EPB41: variants seen among roughly 807,000 people sequenced by gnomAD.
EPB41 encodes the protein erythrocyte membrane protein band 4.1, also known as protein 4.1.
A neutral mutation model predicts 108.0 loss-of-function variants in EPB41; 65 were observed. The ratio of observed to expected loss-of-function variants is 0.60; its 90% CI spans 0.49 to 0.74. EPB41 has a LOEUF of 0.74. Ranked by LOEUF, EPB41 falls within the 30% of genes least tolerant of loss-of-function variation. The pLI, the probability that EPB41 is intolerant of heterozygous loss-of-function variation, is 0.00. For synonymous variants in EPB41, 336 were observed against 358.9 expected (o/e 0.94, Z 0.72); for missense variants, 875 against 1,037.0 (o/e 0.84, Z 2.15).
At chr1:29,046,131 TA>T (rs1379276974) in intron 11 of EPB41, among the ~76,000 whole-genome samples, 4 of 152,084 alleles carry the variant, frequency 2.6e-5, no homozygotes, top group Middle Eastern at 3.4e-3. Context: ...AATTTAATTT[TA>T]TTTTTTTTTT....
At chr1:29,049,799 C>A (rs546133655) in intron 11 of EPB41, among the ~76,000 whole-genome samples, 1 of 152,216 alleles carries the variant, frequency 6.6e-6, no homozygotes, top group South Asian at 2.1e-4. Flanking sequence ...TTTATGTAGA[C>A]CCTCAGATAT....
At chr1:28,911,366 T>C (rs1191360602), upstream of EPB41, among the ~76,000 whole-genome samples, 1 of 152,240 alleles carries the variant, frequency 6.6e-6, no homozygotes, top group East Asian at 1.9e-4. Context: ...TATGGTGTGT[T>C]ATTGCATGGC....
Position 28,915,731 on chromosome 1 carries a change from C to CTT in EPB41, c.-8+982_-8+983dup, listed in dbSNP as rs11321625. Reference sequence around the variant, plus strand: ...CTTTTTCCTTTTTTTTTTTCAGATGCTTTTTTTTTTTTTTTTTTTTGTAGT... The same window carrying CTT: ...CTTTTTCCTTTTTTTTTTTCAGATGCTTTTTTTTTTTTTTTTTTTTTTGTAGT... On this transcript the variant is annotated intron_variant, in intron 1 of 20. Coordinates refer to ENST00000343067, the MANE Select transcript of EPB41 (RefSeq NM_001376013.1). Among the ~76,000 whole-genome samples the CTT allele has an allele frequency of 7.5e-3, 419 of 56,066 alleles. 8 individuals carry two copies. Among genetic ancestry groups the CTT allele is most frequent in the South Asian group, 0.012 (17 of 1,412 alleles). The allele number at this position is 56,066 out of a possible 152,430, so 36.8% of individuals were successfully genotyped here. A position where few individuals can be genotyped will look rare whatever the true frequency, so the allele number is the denominator to read the frequency against.
At chr1:28,954,395 C>T (rs969807071) in intron 1 of EPB41, among the ~76,000 whole-genome samples, 1 of 152,050 alleles carries the variant, frequency 6.6e-6, no homozygotes, top group Non-Finnish European at 1.5e-5. Flanking sequence ...TAATTTTTCC[C>T]AAAGGAAAAT....
chr1:29,070,645 C>T (rs1394143646), intron 16 of EPB41: 4 of 1,231,806 alleles, frequency 3.2e-6, no homozygotes, highest in Non-Finnish European at 4.0e-6. Context: ...TCTGAAATGT[C>T]AAGACCATTG....
chr1:29,022,372 TAAAAAAAA>T (rs370103452), intron 7 of EPB41, among the ~76,000 whole-genome samples: 2 of 111,544 alleles, frequency 1.8e-5, no homozygotes, highest in African/African-American at 6.4e-5. Flanking sequence ...ATTGATATAA[TAAAAAAAA>T]AAAAAAAAAA....
intron 1 of EPB41, among the ~76,000 whole-genome samples, chr1:28,929,600 T>G (rs967343427): frequency 1.7e-4 from 25 of 147,274 alleles, no homozygotes; most frequent in Non-Finnish European, 3.0e-4. Flanking sequence ...GGCGCGATCT[T>G]GGCTCACCGC....
chr1:28,943,292 A>G (rs1026591094), intron 1 of EPB41, among the ~76,000 whole-genome samples: 32 of 152,232 alleles, frequency 2.1e-4, no homozygotes, highest in Non-Finnish European at 2.9e-5. Flanking sequence ...AAAAGAAGAT[A>G]TACAGATGAC....
Position 29,065,079 on chromosome 1 carries a change from G to C in EPB41, c.2105G>C (p.Ser702Thr), listed in dbSNP as rs1167624164. The C allele has an allele frequency of 6.2e-7, 1 of 1,614,076 alleles. No homozygotes were observed. Reference sequence around the variant, plus strand: ...GAGTCTGTACCAGAACCACGGCCTAGTGAATGGGATAAACGCTTATCCACT... The same window carrying C: ...GAGTCTGTACCAGAACCACGGCCTACTGAATGGGATAAACGCTTATCCACT... The part of the protein sequence containing the change: ...FMESVPEPRP[S>T]EWDKRLSTHS... The change falls in exon 16 of 21, where the codon AGT (serine) becomes ACT (threonine). Residue 702 changes from serine (S) to threonine (T), a missense_variant. Ser to Thr is a moderately conservative substitution (Grantham distance 58). Transcript: ENST00000343067.
intron 1 of EPB41, among the ~76,000 whole-genome samples, chr1:28,919,224 G>A (rs2092899811): frequency 1.3e-5 from 2 of 152,110 alleles, no homozygotes; most frequent in South Asian, 2.1e-4. Context: ...TATTTAAATT[G>A]AATTGTATCC....
In EPB41 at chr1:29,018,320, G is replaced by A. The variant is rs778911723; in HGVS notation, c.1002G>A (p.Gln334=). The A allele has an allele frequency of 6.2e-7, 1 of 1,614,026 alleles. No individual in the cohort carries two copies. The highest frequency in any genetic ancestry group is 1.3e-5 in the African/African-American group (1 of 74,884). ...TLALLGSYTI[Q]SELGDYDPEL... ...CATTATTAGGTTCTTACACCATCCA[G>A]TCTGAACTGGGAGACTACGACCCAG... The change falls in exon 7 of 21, where the codon CAG becomes CAA. Residue 334 remains glutamine, a synonymous_variant. Transcript: ENST00000343067. The surrounding 1 kb of genome is among the most constrained non-coding windows in gnomAD (Gnocchi z 4.4).
At chr1:29,021,563 G>A (rs1183885052) in intron 7 of EPB41, among the ~76,000 whole-genome samples, 1 of 151,904 alleles carries the variant, frequency 6.6e-6, no homozygotes, top group Non-Finnish European at 1.5e-5. Context: ...TGAGTTGTGA[G>A]CTGAATTGGC....
chr1:29,057,321 A>G (rs894417002), intron 12 of EPB41, among the ~76,000 whole-genome samples: 7 of 134,660 alleles, frequency 5.2e-5, no homozygotes, highest in African/African-American at 1.9e-4. Flanking sequence ...GCTTGCAGTG[A>G]GCCGAGATCG....
Position 29,115,940 on chromosome 1 carries a change from A to C in EPB41, c.*6+137A>C, listed in dbSNP as rs2151770173. 1.4e-6 allele frequency: 1 copy of C among 691,558 alleles called. No individual in the cohort carries two copies. The highest frequency in any genetic ancestry group is 1.6e-5 in the South Asian group (1 of 62,948). The allele number at this position is 691,558 out of a possible 1,614,324, so 42.8% of individuals were successfully genotyped here. A position where few individuals can be genotyped will look rare whatever the true frequency, so the allele number is the denominator to read the frequency against. On this transcript the variant is annotated intron_variant, in intron 20 of 20. Coordinates refer to ENST00000343067, the MANE Select transcript of EPB41 (RefSeq NM_001376013.1). The surrounding 1 kb of genome is among the most constrained non-coding windows in gnomAD (Gnocchi z 4.4). ...CTGGGACTTGATAAAGGCAGACGAG[A>C]GGCTGATGTGGGAGATATAGGAAAT...
At chr1:28,896,566 G>C (rs1200760838) in intron 1 of EPB41, among the ~76,000 whole-genome samples, 1 of 152,190 alleles carries the variant, frequency 6.6e-6, no homozygotes, top group Non-Finnish European at 1.5e-5. Context: ...CACCTTTATT[G>C]AATAGGTGTT....
intron 4 of EPB41, among the ~76,000 whole-genome samples, chr1:29,007,653 G>C (rs988854068): frequency 2.6e-5 from 4 of 151,996 alleles, no homozygotes; most frequent in African/African-American, 9.7e-5. Flanking sequence ...TCTGTTTTGC[G>C]GTATTGATGA....
intron 7 of EPB41, among the ~76,000 whole-genome samples, chr1:29,021,216 A>AGGGGTCCAT (rs2096640359): frequency 6.6e-6 from 1 of 152,182 alleles, no homozygotes; most frequent in Non-Finnish European, 1.5e-5. Context: ...GATTCTTTCA[A>AGGGGTCCAT]GGGGTCCATG....
At chr1:29,104,307 A>AT (rs906621120) in intron 17 of EPB41, among the ~76,000 whole-genome samples, 1 of 152,142 alleles carries the variant, frequency 6.6e-6, no homozygotes, top group Non-Finnish European at 1.5e-5. Context: ...CCGGAGCACC[A>AT]TTTTTTTATT....
At chr1:29,006,651 C>T (rs1248902046) in intron 4 of EPB41, among the ~76,000 whole-genome samples, 3 of 152,066 alleles carry the variant, frequency 2.0e-5, no homozygotes, top group Non-Finnish European at 4.4e-5. Context: ...TACCTCCAAC[C>T]CCTTATCAGT....
Sources: gnomAD v4.1 joint callset for allele counts (sites outside exome capture counted in the v4.1 genomes callset) on GRCh38, gnomAD v4.1.1 for gene constraint, Gnocchi (gnomAD v3.1) non-coding constraint, MANE v1.5 for transcripts, NCBI Gene and HGNC (gene_info 2026-07-23, HGNC 2026-07-21) for gene names.